GAS6: variants seen among roughly 807,000 people sequenced by gnomAD.
GAS6 encodes the protein growth arrest specific 6.
In GAS6, 41 loss-of-function variants were observed where a neutral mutation model predicts 75.8. The observed-to-expected ratio is 0.54, with a 90% CI of 0.42 to 0.70. The LOEUF is 0.70. Ranked by LOEUF, GAS6 falls within the 30% of genes least tolerant of loss-of-function variation. The probability of loss-of-function intolerance (pLI) is 0.00; values close to 1 mark genes in which losing one functional copy is unlikely to be tolerated. For missense variants in GAS6, 854 were observed against 940.2 expected (o/e 0.91, Z 1.20); for synonymous variants, 432 against 412.6 (o/e 1.05, Z -0.57).
At position 113,844,915 on chromosome 13, in the gene GAS6, A is replaced by C. The variant is rs1019539332; in HGVS notation, c.343+1612T>G. The C allele has an allele frequency of 1.3e-5, 2 of 150,870 alleles. No individual in the cohort carries two copies. Among genetic ancestry groups the C allele is most frequent in the Admixed American group, 1.3e-4 (2 of 15,242 alleles). 9.3% of individuals were successfully genotyped at this position (150,870 alleles called of 1,614,324 possible). ...GTCACAGATGAAAACACCTAACAGC[A>C]GGTAACTGTTTTGTAATCTTGGGGA... On this transcript the variant is annotated intron_variant, in intron 4 of 14. Transcript: ENST00000327773. This position sits in a 1 kb window ranked among gnomAD's most constrained non-coding sequence, Gnocchi z 5.7.
rs1220721667 is a variant in GAS6, at chr13:113,834,207, CCCGGTGTGACAGGTCGGTGTGACAGGCA to C, written c.834+316_834+343del. Among the ~76,000 whole-genome samples the C allele has an allele frequency of 2.8e-3, 402 of 144,944 alleles. 1 individual carries two copies. Among genetic ancestry groups the C allele is most frequent in the African/African-American group, 8.8e-3 (345 of 39,026 alleles). On this transcript the variant is annotated intron_variant, in intron 8 of 14. Transcript: ENST00000327773. ...TGTGACAGGCACCGGTGTGACAGGC[CCCGGTGTGACAGGTCGGTGTGACAGGCA>C]CCGGTGTGACAGGTCGGTCACGTTG...
At chr13:113,840,147 G>A (rs549168710) in intron 4 of GAS6, 74 of 390,802 alleles carry the variant, frequency 1.9e-4, no homozygotes, top group African/African-American at 1.4e-3. Flanking sequence ...ACTGCCTGGC[G>A]TGAGGCCTGG....
chr13:113,839,381 G>A lies in GAS6; in HGVS notation c.466+347C>T, dbSNP rs186244347. On this transcript the variant is annotated intron_variant, in intron 5 of 14. Coordinates refer to ENST00000327773, the MANE Select transcript of GAS6 (RefSeq NM_000820.4). ...ACACCACAGGTCTGCACTCAAGGAC[G>A]GTCAGAGGTGAAATTTCCCCCCCGC... 1.3e-5 allele frequency: 3 copies of A among 234,944 alleles called. No homozygotes were observed. In the South Asian group the frequency reaches 2.3e-4, roughly 18 times the overall value. 14.6% of individuals were successfully genotyped at this position (234,944 alleles called of 1,614,324 possible). A position where few individuals can be genotyped will look rare whatever the true frequency, so the allele number is the denominator to read the frequency against.
At chr13:113,858,677 G>A (rs1245954317) in intron 2 of GAS6, among the ~76,000 whole-genome samples, 1 of 140,912 alleles carries the variant, frequency 7.1e-6, no homozygotes, top group African/African-American at 2.7e-5. Context: ...GTGTGCCTAT[G>A]TATGCATGTC....
At chr13:113,856,441 C>A (rs573714479) in intron 2 of GAS6, among the ~76,000 whole-genome samples, 1 of 152,182 alleles carries the variant, frequency 6.6e-6, no homozygotes, top group Non-Finnish European at 1.5e-5. Context: ...AGCTGTTACA[C>A]AGTTGTCATG....
intron 5 of GAS6, among the ~76,000 whole-genome samples, chr13:113,838,655 A>G (rs1242518786): frequency 1.1e-4 from 9 of 80,392 alleles, no homozygotes; most frequent in Non-Finnish European, 1.1e-4. Flanking sequence ...AGCAGGAGGA[A>G]GGGACCCCGG....
At chr13:113,839,972 A>G in intron 4 of GAS6, 122 bp from the exon 5 acceptor site, 3 of 1,414,194 alleles carry the variant, frequency 2.1e-6, no homozygotes, top group South Asian at 2.4e-5. Context: ...TGAGGGGCGC[A>G]GGCTGAGGCA....
intron 14 of GAS6, 22 bp downstream of exon 14, chr13:113,821,936 G>C: frequency 6.7e-7 from 1 of 1,500,780 alleles, no homozygotes; most frequent in Non-Finnish European, 8.9e-7. Context: ...CACCCGGGTT[G>C]AGCGGAGCAG....
At chr13:113,857,993 G>T (rs942683606) in intron 2 of GAS6, among the ~76,000 whole-genome samples, 1 of 152,372 alleles carries the variant, frequency 6.6e-6, no homozygotes, top group South Asian at 2.1e-4. Context: ...CCACCTGCAG[G>T]CCTCAGGATG....
chr13:113,832,863 G>A (rs1477640411), intron 8 of GAS6, 111 bp from the exon 9 acceptor site: 5 of 1,562,296 alleles, frequency 3.2e-6, no homozygotes, highest in Non-Finnish European at 4.3e-6. Flanking sequence ...TGCCTCGGGA[G>A]TGGCCACCCC....
At position 113,848,148 on chromosome 13, in the gene GAS6, G is replaced by T; in HGVS notation, c.256-98C>A. The T allele has an allele frequency of 7.3e-7, 1 of 1,361,742 alleles. No individual in the cohort carries two copies. Among genetic ancestry groups the T allele is most frequent in the South Asian group, 1.3e-5 (1 of 79,750 alleles). The allele number at this position is 1,361,742 out of a possible 1,614,324, so 84.4% of individuals were successfully genotyped here. On this transcript the variant is annotated intron_variant, in intron 2 of 14. Transcript: ENST00000327773. The surrounding 1 kb of genome is among the most constrained non-coding windows in gnomAD (Gnocchi z 4.8). Reference sequence around the variant, plus strand: ...AGCTGGTTAATCAGAGGCTGCTCTCGGGGCAGCCAGAGGGCCGCCCCACCC... The same window carrying T: ...AGCTGGTTAATCAGAGGCTGCTCTCTGGGCAGCCAGAGGGCCGCCCCACCC...
At chr13:113,824,379 A>T (rs2051506767) in intron 12 of GAS6, among the ~76,000 whole-genome samples, 1 of 148,832 alleles carries the variant, frequency 6.7e-6, no homozygotes, top group Non-Finnish European at 1.5e-5. Flanking sequence ...AGCTGTCAGG[A>T]GCACGCGCGG....
rs1229266181 is a variant in GAS6, at chr13:113,839,854, A to G, written c.344-4T>C. Reference sequence around the variant, plus strand: ...GGCGTGCACTGGTCAGGCAGGTCTGATTGGGGACACAAAGTGGAAAATCAT... The same window carrying G: ...GGCGTGCACTGGTCAGGCAGGTCTGGTTGGGGACACAAAGTGGAAAATCAT... On this transcript the variant is annotated splice_region_variant and splice_polypyrimidine_tract_variant and intron_variant, in intron 4 of 14. Transcript: ENST00000327773. 3 of 1,613,426 alleles carry G rather than the reference A, an allele frequency of 1.9e-6. No homozygotes were observed. The highest frequency in any genetic ancestry group is 2.5e-6 in the Non-Finnish European group (3 of 1,179,874).
intron 5 of GAS6, 34 bp downstream of exon 5, chr13:113,839,694 G>A (rs757506988): frequency 1.2e-6 from 2 of 1,609,290 alleles, no homozygotes; most frequent in Admixed American, 3.3e-5. Context: ...CGGAGATGGA[G>A]GGAGACCCCG....
At chr13:113,839,967 G>A (rs1231129009) in intron 4 of GAS6, 117 bp from the exon 5 acceptor site, 1 of 1,496,540 alleles carries the variant, frequency 6.7e-7, no homozygotes, top group Admixed American at 1.9e-5. Context: ...AGCTCTGAGG[G>A]GCGCAGGCTG....
chr13:113,833,025 A>C (rs901636408), intron 8 of GAS6: 1 of 1,345,140 alleles, frequency 7.4e-7, no homozygotes, highest in African/African-American at 1.5e-5. Context: ...CTTTATTTTT[A>C]AATTATGAAA....
chr13:113,833,123 T>C (rs1203210963), intron 8 of GAS6: 5 of 1,170,352 alleles, frequency 4.3e-6, no homozygotes, highest in Non-Finnish European at 5.4e-6. Flanking sequence ...ATGGCTGTCC[T>C]GGAAAGTTCC....
In GAS6 at chr13:113,827,162, T is replaced by C. The variant is rs2051561505; in HGVS notation, c.1311A>G (p.Ile437Met). Residue 437 changes from isoleucine (I) to methionine (M), a missense_variant and splice_region_variant, in exon 12 of 15, where the codon ATA becomes ATG. Transcript: ENST00000327773. ...TCATGCAGCCATCCAGACGAGGGTT[T>C]ATCTGGAAAGGCAGAGAAATCTCCG... ...PFHEKDLVQP[I>M]NPRLDGCMRS... The C allele has an allele frequency of 1.2e-6, 2 of 1,611,258 alleles. No individual in the cohort carries two copies. The highest frequency in any genetic ancestry group is 1.3e-5 in the African/African-American group (1 of 74,886).
intron 4 of GAS6, chr13:113,842,296 C>T (rs529875978): frequency 7.3e-6 from 2 of 275,386 alleles, no homozygotes; most frequent in Non-Finnish European, 1.3e-5. Flanking sequence ...TGGGTGTGGA[C>T]GGAGCTCGCG....
Sources: allele counts gnomAD v4.1 joint callset (sites outside exome capture counted in the v4.1 genomes callset), GRCh38; gene constraint gnomAD v4.1.1; non-coding constraint Gnocchi (gnomAD v3.1); transcripts MANE v1.5; gene names NCBI Gene and HGNC (gene_info 2026-07-23, HGNC 2026-07-21).